RABGAP1L: variants seen among roughly 807,000 people sequenced by gnomAD.
The protein encoded by RABGAP1L is rab GTPase-activating protein 1-like.
In RABGAP1L, 63 loss-of-function variants were observed where a neutral mutation model predicts 137.7. The ratio of observed to expected loss-of-function variants is 0.46; its 90% CI spans 0.37 to 0.56. RABGAP1L has a LOEUF of 0.56. RABGAP1L is among the 20% of genes least tolerant of loss of function. RABGAP1L has a pLI of 0.00. For synonymous variants in RABGAP1L, 431 were observed against 433.7 expected (o/e 0.99, Z 0.08); for missense variants, 1,095 against 1,244.0 (o/e 0.88, Z 1.80).
chr1:174,356,590 C>T (rs1163182762), intron 11 of RABGAP1L, among the ~76,000 whole-genome samples: 2 of 150,788 alleles, frequency 1.3e-5, no homozygotes, highest in Non-Finnish European at 3.0e-5. Flanking sequence ...TTTTTCAAAG[C>T]AGAGAGTGAC....
chr1:174,179,213 A>G (rs1206259257), intron 1 of RABGAP1L, among the ~76,000 whole-genome samples: 1 of 152,142 alleles, frequency 6.6e-6, no homozygotes, highest in Non-Finnish European at 1.5e-5. Context: ...ATCATTGGCA[A>G]CAAATACTGT....
chr1:174,283,443 C>T (rs1301000431), intron 10 of RABGAP1L, among the ~76,000 whole-genome samples: 1 of 151,748 alleles, frequency 6.6e-6, no homozygotes, highest in African/African-American at 2.4e-5. Context: ...AATGCATTCC[C>T]AGATTTTGAC....
intron 13 of RABGAP1L, among the ~76,000 whole-genome samples, chr1:174,441,676 G>A (rs900164511): frequency 3.9e-5 from 6 of 152,164 alleles, no homozygotes; most frequent in Non-Finnish European, 5.9e-5. Flanking sequence ...GAAGGTTGCA[G>A]TGAGCCGAGA....
intron 13 of RABGAP1L, among the ~76,000 whole-genome samples, chr1:174,474,737 G>A (rs969231984): frequency 1.1e-4 from 16 of 152,052 alleles, no homozygotes; most frequent in African/African-American, 3.6e-4. Context: ...CGAGTAGCTG[G>A]GACTACAGGC....
chr1:174,648,559 G>A (rs779917714), intron 14 of RABGAP1L, among the ~76,000 whole-genome samples: 4 of 152,052 alleles, frequency 2.6e-5, no homozygotes, highest in Admixed American at 6.6e-5. Flanking sequence ...TGACAGTGTC[G>A]TCTGACAGAC....
chr1:174,602,827 A>G, intron 13 of RABGAP1L, among the ~76,000 whole-genome samples: 1 of 152,000 alleles, frequency 6.6e-6, no homozygotes, highest in Non-Finnish European at 1.5e-5. Context: ...AATTTCTCTG[A>G]TAGGATTCTG....
chr1:174,739,610 T>C (rs756132675), intron 17 of RABGAP1L, among the ~76,000 whole-genome samples: 4 of 152,198 alleles, frequency 2.6e-5, no homozygotes, highest in Non-Finnish European at 5.9e-5. Flanking sequence ...TGCCTCTGTG[T>C]GTTATGAAAG....
intron 11 of RABGAP1L, among the ~76,000 whole-genome samples, chr1:174,321,674 G>A (rs1051202815): frequency 1.3e-5 from 2 of 152,070 alleles, no homozygotes; most frequent in African/African-American, 4.8e-5. Context: ...CCTACGAATA[G>A]GTTCGCTGGG....
chr1:174,615,355 G>GAT (rs1671718090), intron 13 of RABGAP1L, among the ~76,000 whole-genome samples: 1 of 152,190 alleles, frequency 6.6e-6, no homozygotes, highest in Admixed American at 6.5e-5. Flanking sequence ...GACCCTATTT[G>GAT]CCTGGGTATC....
chr1:174,317,302 G>T (rs1244087737), intron 11 of RABGAP1L, among the ~76,000 whole-genome samples: 1 of 152,092 alleles, frequency 6.6e-6, no homozygotes, highest in African/African-American at 2.4e-5. Context: ...GGCCCTTGAT[G>T]TAGTACCTGG....
intron 17 of RABGAP1L, among the ~76,000 whole-genome samples, chr1:174,737,535 C>T (rs1227447400): frequency 6.6e-6 from 1 of 152,146 alleles, no homozygotes; most frequent in Non-Finnish European, 1.5e-5. Context: ...ATCTTCCTTT[C>T]TTTCTCTGAG....
chr1:174,409,103 T>G (rs562336651), intron 13 of RABGAP1L, among the ~76,000 whole-genome samples: 59 of 152,324 alleles, frequency 3.9e-4, no homozygotes, highest in African/African-American at 1.4e-3. Flanking sequence ...TTCTTGCAAT[T>G]GTTTTTGAGG....
At chr1:174,587,994 G>C (rs914427716) in intron 13 of RABGAP1L, among the ~76,000 whole-genome samples, 2 of 152,122 alleles carry the variant, frequency 1.3e-5, no homozygotes, top group Non-Finnish European at 2.9e-5. Flanking sequence ...CTCCCGAGTA[G>C]TTGGGACTAC....
intron 14 of RABGAP1L, among the ~76,000 whole-genome samples, chr1:174,647,236 A>G (rs1189456973): frequency 6.6e-6 from 1 of 152,080 alleles, no homozygotes; most frequent in South Asian, 2.1e-4. Flanking sequence ...CAGAACTTCC[A>G]ATATTGTGTT....
At chr1:174,797,681 T>G (rs1324013960) in intron 18 of RABGAP1L, among the ~76,000 whole-genome samples, 48 of 56,904 alleles carry the variant, frequency 8.4e-4, no homozygotes, top group Non-Finnish European at 9.5e-4. Context: ...TATGGGGAGG[T>G]GTGGGGGGAT....
intron 19 of RABGAP1L, among the ~76,000 whole-genome samples, chr1:174,895,083 C>T (rs886782949): frequency 3.2e-4 from 48 of 152,026 alleles, no homozygotes; most frequent in African/African-American, 1.1e-3. Flanking sequence ...CAGACACCTG[C>T]CAAAAGACGA....
Position 174,278,783 on chromosome 1 carries a change from G to T in RABGAP1L, c.1323+4G>T. 6.6e-7 allele frequency: 1 copy of T among 1,522,448 alleles called. No homozygotes were observed. The highest frequency in any genetic ancestry group is 1.3e-5 in the South Asian group (1 of 74,936). 94.3% of individuals were successfully genotyped at this position (1,522,448 alleles called of 1,614,324 possible). A position where few individuals can be genotyped will look rare whatever the true frequency, so the allele number is the denominator to read the frequency against. On this transcript the variant is annotated splice_donor_region_variant and intron_variant, in intron 10 of 25. Coordinates refer to ENST00000681986, the MANE Select transcript of RABGAP1L (RefSeq NM_001366446.1). ...TTTCTTCATGAGATTGAAACAGGTA[G>T]GACCTTTTTGTTCTCTTCATATATA...
intron 13 of RABGAP1L, among the ~76,000 whole-genome samples, chr1:174,463,455 C>A (rs147178528): frequency 4.8e-5 from 7 of 146,420 alleles, no homozygotes; most frequent in African/African-American, 1.8e-4. Context: ...AGGTGGGAAT[C>A]GAACAATGAG....
intron 14 of RABGAP1L, among the ~76,000 whole-genome samples, chr1:174,663,110 G>A (rs1386979704): frequency 6.6e-6 from 1 of 152,002 alleles, no homozygotes. Context: ...ATTTATAAAG[G>A]CTGCATTAGT....
Sources: gnomAD v4.1 joint callset for allele counts (sites outside exome capture counted in the v4.1 genomes callset) on GRCh38, gnomAD v4.1.1 for gene constraint, MANE v1.5 for transcripts, NCBI Gene and HGNC (gene_info 2026-07-23, HGNC 2026-07-21) for gene names.